The following TNFSF4 variants were observed in gnomAD, a reference collection of about 807,000 sequenced individuals.
TNFSF4 encodes tumor necrosis factor ligand superfamily member 4.
In TNFSF4, 4 loss-of-function variants were observed where a neutral mutation model predicts 7.3. That is an observed-to-expected ratio of 0.55 (90% CI 0.27 to 1.25). The LOEUF (loss-of-function observed/expected upper bound fraction) is 1.25, where lower values mean the gene tolerates loss of function less well. Ranked by LOEUF, TNFSF4 falls within the 50% of genes most tolerant of loss-of-function variation. TNFSF4 has a pLI of 0.12. For missense variants in TNFSF4, 181 were observed against 208.8 expected (o/e 0.87, Z 0.82); for synonymous variants, 76 against 83.7 (o/e 0.91, Z 0.50).
chr1:173,378,250 A>G, the TNFSF4 span, among the ~76,000 whole-genome samples: 7 of 150,980 alleles, frequency 4.6e-5, no homozygotes, highest in Non-Finnish European at 8.9e-5. Flanking sequence ...CTGCTACTGC[A>G]TCAGTGAGCA....
At chr1:173,436,350 C>T in the TNFSF4 span, among the ~76,000 whole-genome samples, 1 of 152,206 alleles carries the variant, frequency 6.6e-6, no homozygotes, top group Non-Finnish European at 1.5e-5. Flanking sequence ...AGCATTATCC[C>T]ACCTAAAGGG....
chr1:173,390,522 T>G, the TNFSF4 span, among the ~76,000 whole-genome samples: 1 of 152,194 alleles, frequency 6.6e-6, no homozygotes, highest in South Asian at 2.1e-4. Flanking sequence ...GAAGAGGTAA[T>G]GGATAATCTA....
chr1:173,346,548 G>A, the TNFSF4 span, among the ~76,000 whole-genome samples: 10 of 152,110 alleles, frequency 6.6e-5, no homozygotes, highest in Non-Finnish European at 1.3e-4. Context: ...TGATGTGGAG[G>A]GGGAAGAAAG....
chr1:173,363,359 A>C, the TNFSF4 span: 7 of 315,530 alleles, frequency 2.2e-5, no homozygotes, highest in Admixed American at 2.7e-4. Flanking sequence ...ATCAACTGAG[A>C]TATCAGTTCT....
the TNFSF4 span, among the ~76,000 whole-genome samples, chr1:173,321,412 G>A: frequency 6.6e-6 from 1 of 152,126 alleles, no homozygotes; most frequent in East Asian, 1.9e-4. Context: ...CAGGACATAG[G>A]CATGGGCAAG....
chr1:173,338,918 C>G, the TNFSF4 span, among the ~76,000 whole-genome samples: 1 of 152,142 alleles, frequency 6.6e-6, no homozygotes, highest in Non-Finnish European at 1.5e-5. Context: ...AAAAGGAAAT[C>G]GGACTACTAC....
chr1:173,230,491 T>A, the TNFSF4 span, among the ~76,000 whole-genome samples: 1 of 152,236 alleles, frequency 6.6e-6, no homozygotes, highest in African/African-American at 2.4e-5. Context: ...AGATCTAAAA[T>A]TGACACCCTA....
the TNFSF4 span, chr1:173,363,347 C>G: frequency 3.3e-6 from 1 of 305,508 alleles, no homozygotes; most frequent in African/African-American, 2.3e-5. Context: ...TTTTCTGCAG[C>G]TATCAACTGA....
the TNFSF4 span, among the ~76,000 whole-genome samples, chr1:173,224,615 A>G: frequency 6.6e-6 from 1 of 152,204 alleles, no homozygotes; most frequent in Non-Finnish European, 1.5e-5. Context: ...AAGGAAAATC[A>G]GGTTCAGAGA....
the TNFSF4 span, among the ~76,000 whole-genome samples, chr1:173,230,634 C>A: frequency 6.6e-6 from 1 of 152,114 alleles, no homozygotes; most frequent in Non-Finnish European, 1.5e-5. Flanking sequence ...ATCAATGAAT[C>A]TAGGAGCTGG....
the TNFSF4 span, among the ~76,000 whole-genome samples, chr1:173,237,706 T>C: frequency 2.0e-5 from 3 of 152,084 alleles, no homozygotes; most frequent in African/African-American, 7.2e-5. Context: ...ATCAGGGAAG[T>C]GAAAGAGCTG....
At chr1:173,328,312 C>T in the TNFSF4 span, among the ~76,000 whole-genome samples, 1 of 135,394 alleles carries the variant, frequency 7.4e-6, no homozygotes, top group Non-Finnish European at 1.5e-5. Context: ...AATAAGAACA[C>T]ATGGACACAG....
chr1:173,245,707 A>C, the TNFSF4 span, among the ~76,000 whole-genome samples: 1 of 152,116 alleles, frequency 6.6e-6, no homozygotes, highest in Non-Finnish European at 1.5e-5. Context: ...TCTAACTGTA[A>C]CTTTTTACCT....
chr1:173,277,013 A>G, the TNFSF4 span, among the ~76,000 whole-genome samples: 1 of 152,174 alleles, frequency 6.6e-6, no homozygotes, highest in Non-Finnish European at 1.5e-5. Flanking sequence ...GTTCTTCAGA[A>G]CAAGTCAGCC....
At chr1:173,230,679 T>C in the TNFSF4 span, among the ~76,000 whole-genome samples, 2 of 151,736 alleles carry the variant, frequency 1.3e-5, no homozygotes, top group Non-Finnish European at 2.9e-5. Flanking sequence ...GACAGACCAC[T>C]AGCAAGACTA....
chr1:173,364,402 T>C, the TNFSF4 span, among the ~76,000 whole-genome samples: 17,037 of 147,454 alleles, frequency 0.12, 1,118 homozygotes, highest in East Asian at 0.16. Flanking sequence ...TATATATATA[T>C]ACACACACAC....
the TNFSF4 span, among the ~76,000 whole-genome samples, chr1:173,243,001 G>GGGC: frequency 1.2e-3 from 101 of 85,848 alleles, 7 homozygotes; most frequent in South Asian, 3.6e-3. Context: ...AGAAGTTGGT[G>GGGC]GGTGGGGGGG....
chr1:173,196,525 A>T (rs558997990), intron 1 of TNFSF4, among the ~76,000 whole-genome samples: 1 of 152,182 alleles, frequency 6.6e-6, no homozygotes, highest in Admixed American at 6.5e-5. Context: ...CACTCTTCTC[A>T]TCGAGTCTAC....
chr1:173,205,516 T>G, intron 1 of TNFSF4: 1 of 1,399,448 alleles, frequency 7.1e-7, no homozygotes, highest in South Asian at 1.6e-5. Flanking sequence ...AGAGCCGTTG[T>G]GCAATCAGTT....
Sources: gnomAD v4.1 joint callset for allele counts (sites outside exome capture counted in the v4.1 genomes callset) on GRCh38, gnomAD v4.1.1 for gene constraint, MANE v1.5 for transcripts, NCBI Gene and HGNC (gene_info 2026-07-23, HGNC 2026-07-21) for gene names.